Variants in STARD13 observed in about 807,000 individuals in gnomAD.
The protein encoded by STARD13 is StAR related lipid transfer domain containing 13, also known as stAR-related lipid transfer protein 13.
In STARD13, 62 loss-of-function variants were observed where a neutral mutation model predicts 106.4. That is an observed-to-expected ratio of 0.58 (90% CI 0.48 to 0.72). The LOEUF (loss-of-function observed/expected upper bound fraction) is 0.72, where lower values mean the gene tolerates loss of function less well. Among genes scored for constraint, STARD13 ranks in the 30% least tolerant of loss-of-function variants. The probability of loss-of-function intolerance (pLI) is 0.00; values close to 1 mark genes in which losing one functional copy is unlikely to be tolerated. For synonymous variants in STARD13, 565 were observed against 553.0 expected (o/e 1.02, Z -0.31); for missense variants, 1,387 against 1,424.0 (o/e 0.97, Z 0.42).
intron 1 of STARD13, chr13:33,186,022 T>G: frequency 6.2e-7 from 1 of 1,614,104 alleles, no homozygotes; most frequent in East Asian, 2.2e-5. Context: ...GGTTCCAGCA[T>G]GGAGGTTCAA....
At chr13:33,258,307 C>T (rs1209797389) in intron 1 of STARD13, among the ~76,000 whole-genome samples, 1 of 152,064 alleles carries the variant, frequency 6.6e-6, no homozygotes, top group Non-Finnish European at 1.5e-5. Context: ...AACCATTTTC[C>T]TAAAAAAATA....
the STARD13 span, among the ~76,000 whole-genome samples, chr13:33,587,477 T>C: frequency 6.6e-6 from 1 of 152,156 alleles, no homozygotes; most frequent in Non-Finnish European, 1.5e-5. Flanking sequence ...AAACAATCAA[T>C]ATACCCTTGA....
intron 1 of STARD13, among the ~76,000 whole-genome samples, chr13:33,269,023 A>G (rs1483125732): frequency 1.3e-5 from 2 of 152,182 alleles, no homozygotes; most frequent in Non-Finnish European, 2.9e-5. Context: ...AAGCCATTCC[A>G]TGAGCTGGGT....
upstream of STARD13, among the ~76,000 whole-genome samples, chr13:33,287,624 C>A (rs889686348): frequency 2.6e-5 from 4 of 152,096 alleles, no homozygotes; most frequent in African/African-American, 9.7e-5. Context: ...GGTCGAGCAC[C>A]ATATTGCAAA....
chr13:33,134,680 T>C (rs888249871), intron 4 of STARD13, among the ~76,000 whole-genome samples: 1 of 152,214 alleles, frequency 6.6e-6, no homozygotes, highest in Non-Finnish European at 1.5e-5. Context: ...GAAAATACCA[T>C]ATAAACCCTA....
At chr13:33,373,509 G>C in the STARD13 span, among the ~76,000 whole-genome samples, 4 of 151,834 alleles carry the variant, frequency 2.6e-5, no homozygotes, top group Non-Finnish European at 5.9e-5. Flanking sequence ...ACACTGCAGA[G>C]AAAAAACGCC....
intron 1 of STARD13, among the ~76,000 whole-genome samples, chr13:33,195,618 C>T (rs1397663166): frequency 6.6e-6 from 1 of 152,202 alleles, no homozygotes. Context: ...CGACACGTAG[C>T]ACCCACGACA....
At chr13:33,550,147 G>A in the STARD13 span, among the ~76,000 whole-genome samples, 3 of 152,154 alleles carry the variant, frequency 2.0e-5, no homozygotes, top group African/African-American at 4.8e-5. Flanking sequence ...TTATCAAGCA[G>A]TGCCAAAATC....
At chr13:33,579,201 T>C in the STARD13 span, among the ~76,000 whole-genome samples, 1 of 152,114 alleles carries the variant, frequency 6.6e-6, no homozygotes, top group Non-Finnish European at 1.5e-5. Context: ...CACCTGCATG[T>C]GTGTGTTTAT....
the STARD13 span, among the ~76,000 whole-genome samples, chr13:33,539,090 A>T: frequency 6.6e-6 from 1 of 152,200 alleles, no homozygotes; most frequent in African/African-American, 2.4e-5. Flanking sequence ...AATACTAGAG[A>T]CGTAGAATCT....
At chr13:33,233,952 G>T (rs1465128418) in intron 1 of STARD13, among the ~76,000 whole-genome samples, 1 of 152,206 alleles carries the variant, frequency 6.6e-6, no homozygotes, top group African/African-American at 2.4e-5. Context: ...GACCGAATAG[G>T]TGGGGTGCCC....
At chr13:33,221,573 G>T (rs1404911790) in intron 1 of STARD13, among the ~76,000 whole-genome samples, 1 of 152,064 alleles carries the variant, frequency 6.6e-6, no homozygotes, top group Admixed American at 6.6e-5. Flanking sequence ...CTGTTCCTCT[G>T]TTCGGCCAAC....
At chr13:33,175,811 G>A (rs1206620561) in intron 1 of STARD13, among the ~76,000 whole-genome samples, 2 of 152,266 alleles carry the variant, frequency 1.3e-5, no homozygotes, top group East Asian at 1.9e-4. Context: ...AAAAAAATGC[G>A]TGTTTTTAGG....
At chr13:33,358,121 C>T in the STARD13 span, among the ~76,000 whole-genome samples, 1 of 152,212 alleles carries the variant, frequency 6.6e-6, no homozygotes, top group African/African-American at 2.4e-5. Context: ...ACTTAGCACC[C>T]GGGCCAGTGG....
chr13:33,670,239 A>G, the STARD13 span, among the ~76,000 whole-genome samples: 1 of 152,178 alleles, frequency 6.6e-6, no homozygotes, highest in Non-Finnish European at 1.5e-5. Context: ...GTTTCTAATA[A>G]TGTCACCAAA....
At chr13:33,569,650 C>T in the STARD13 span, among the ~76,000 whole-genome samples, 1 of 147,328 alleles carries the variant, frequency 6.8e-6, no homozygotes, top group Non-Finnish European at 1.5e-5. Context: ...AAAAAAAGAC[C>T]CGCATCAGTT....
intron 1 of STARD13, among the ~76,000 whole-genome samples, chr13:33,173,805 A>G (rs1316201052): frequency 6.6e-6 from 1 of 152,168 alleles, no homozygotes; most frequent in Non-Finnish European, 1.5e-5. Flanking sequence ...TGTGCAATAA[A>G]ATATCTGACT....
chr13:33,284,703 T>C (rs1891968309), intron 1 of STARD13, among the ~76,000 whole-genome samples: 1 of 152,028 alleles, frequency 6.6e-6, no homozygotes, highest in Non-Finnish European at 1.5e-5. Context: ...TCTACTGATA[T>C]ACCCTATAAG....
At chr13:33,597,790 G>T in the STARD13 span, among the ~76,000 whole-genome samples, 1 of 151,860 alleles carries the variant, frequency 6.6e-6, no homozygotes, top group African/African-American at 2.4e-5. Context: ...GGAGGCAGAG[G>T]TTGTGGCGAG....
Sources: allele counts gnomAD v4.1 joint callset (sites outside exome capture counted in the v4.1 genomes callset), GRCh38; gene constraint gnomAD v4.1.1; transcripts MANE v1.5; gene names NCBI Gene and HGNC (gene_info 2026-07-23, HGNC 2026-07-21).